ITPR2: variants seen among roughly 807,000 people sequenced by gnomAD.
The protein encoded by ITPR2 is inositol 1,4,5-trisphosphate receptor type 2.
ITPR2 carries 207 observed loss-of-function variants against 317.1 expected under a neutral mutation model. The observed-to-expected ratio is 0.65, with a 90% CI of 0.58 to 0.73. ITPR2 has a LOEUF of 0.73. ITPR2 is among the 30% of genes least tolerant of loss of function. The pLI, the probability that ITPR2 is intolerant of heterozygous loss-of-function variation, is 0.00. For missense variants in ITPR2, 2,613 were observed against 3,284.0 expected (o/e 0.80, Z 4.99); for synonymous variants, 1,156 against 1,149.1 (o/e 1.01, Z -0.12).
intron 1 of ITPR2, among the ~76,000 whole-genome samples, chr12:26,799,087 T>C (rs1565775011): frequency 6.6e-6 from 1 of 152,254 alleles, no homozygotes; most frequent in Non-Finnish European, 1.5e-5. Flanking sequence ...TAAAAGTATG[T>C]TTAATTCCAT....
chr12:26,485,356 C>G (rs949386415), intron 41 of ITPR2, among the ~76,000 whole-genome samples: 1 of 152,152 alleles, frequency 6.6e-6, no homozygotes, highest in African/African-American at 2.4e-5. Context: ...GTAAACTGTT[C>G]AATCAGATAC....
intron 55 of ITPR2, among the ~76,000 whole-genome samples, chr12:26,340,731 G>A (rs938197765): frequency 1.8e-4 from 28 of 152,254 alleles, no homozygotes; most frequent in Admixed American, 4.6e-4. Context: ...GGATGGTATA[G>A]GAAAGTGGTA....
chr12:26,630,382 A>T (rs1302433812), intron 22 of ITPR2, among the ~76,000 whole-genome samples: 2 of 151,430 alleles, frequency 1.3e-5, no homozygotes, highest in Non-Finnish European at 2.9e-5. Context: ...CCAGGAAGAG[A>T]GAGAGAGAAT....
At chr12:26,767,602 A>G (rs1048474334) in intron 2 of ITPR2, among the ~76,000 whole-genome samples, 1 of 152,242 alleles carries the variant, frequency 6.6e-6, no homozygotes, top group African/African-American at 2.4e-5. Context: ...AGAGAGACAG[A>G]CAAATTTGCC....
chr12:26,735,417 A>G (rs1212162484), intron 2 of ITPR2, among the ~76,000 whole-genome samples: 1 of 152,096 alleles, frequency 6.6e-6, no homozygotes, highest in Non-Finnish European at 1.5e-5. Flanking sequence ...AGGACAAGGG[A>G]AACAAAATGG....
At chr12:26,575,409 T>C (rs1386181408) in intron 34 of ITPR2, among the ~76,000 whole-genome samples, 1 of 151,798 alleles carries the variant, frequency 6.6e-6, no homozygotes, top group Non-Finnish European at 1.5e-5. Flanking sequence ...GAGGCCACGA[T>C]GCGGGGAAGG....
intron 55 of ITPR2, among the ~76,000 whole-genome samples, chr12:26,341,531 C>T (rs1938112699): frequency 6.6e-6 from 1 of 152,162 alleles, no homozygotes; most frequent in South Asian, 2.1e-4. Context: ...CAGAGAATAA[C>T]AAGTTCTTTA....
intron 1 of ITPR2, among the ~76,000 whole-genome samples, chr12:26,795,460 T>C (rs1364356528): frequency 6.6e-6 from 1 of 151,880 alleles, no homozygotes; most frequent in South Asian, 2.1e-4. Flanking sequence ...AAGGACAATA[T>C]AGACAATATA....
chr12:26,625,026 T>A (rs1946589034), intron 23 of ITPR2, among the ~76,000 whole-genome samples: 1 of 152,116 alleles, frequency 6.6e-6, no homozygotes, highest in Non-Finnish European at 1.5e-5. Context: ...AATGAGATCC[T>A]GTCATCTGCA....
rs373045037 is a variant in ITPR2, at chr12:26,665,985, T to A, written c.1476A>T (p.Glu492Asp). The A allele has an allele frequency of 9.5e-5, 154 of 1,613,554 alleles. No homozygotes were observed. The African/African-American group carries it at 1.9e-3, about 20-fold the overall frequency. Reference sequence around the variant, plus strand: ...GCTTAGTGATAACCACATCCAGAACTTCTTGTCCATTATTAGGCACATCAG... The same window carrying A: ...GCTTAGTGATAACCACATCCAGAACATCTTGTCCATTATTAGGCACATCAG... ...FVADVPNNGQ[E>D]VLDVVITKPN... The change falls in exon 14 of 57, where the codon GAA becomes GAT. Residue 492 changes from glutamate to aspartate, a missense_variant. Coordinates refer to ENST00000381340, the MANE Select transcript of ITPR2 (RefSeq NM_002223.4).
chr12:26,362,940 C>T (rs1255699652), intron 55 of ITPR2, among the ~76,000 whole-genome samples: 1 of 152,114 alleles, frequency 6.6e-6, no homozygotes, highest in Non-Finnish European at 1.5e-5. Flanking sequence ...CCCAATGCTC[C>T]CCAAGACACA....
At chr12:26,555,341 G>A (rs144312607) in intron 36 of ITPR2, among the ~76,000 whole-genome samples, 50 of 152,288 alleles carry the variant, frequency 3.3e-4, no homozygotes, top group African/African-American at 1.2e-3. Context: ...TAGCTGGGAT[G>A]AGTCATGGTC....
intron 32 of ITPR2, among the ~76,000 whole-genome samples, chr12:26,590,603 G>A (rs181207738): frequency 6.6e-6 from 1 of 152,250 alleles, no homozygotes; most frequent in East Asian, 1.9e-4. Context: ...TATCTCTCAT[G>A]ATATACAAAA....
At chr12:26,556,199 G>A (rs750033991) in intron 36 of ITPR2, 34 bp downstream of exon 36, 93 of 1,604,454 alleles carry the variant, frequency 5.8e-5, no homozygotes, top group South Asian at 3.5e-4. Context: ...TCAGTTTGAC[G>A]ACACTAGCAG....
At chr12:26,488,841 A>G (rs184827848) in intron 39 of ITPR2, among the ~76,000 whole-genome samples, 2 of 152,334 alleles carry the variant, frequency 1.3e-5, no homozygotes, top group Non-Finnish European at 2.9e-5. Flanking sequence ...TCTTCTATAT[A>G]TATTACTTCA....
chr12:26,499,065 T>A (rs780122356), intron 37 of ITPR2, among the ~76,000 whole-genome samples: 2 of 152,178 alleles, frequency 1.3e-5, no homozygotes, highest in Non-Finnish European at 2.9e-5. Flanking sequence ...AACAAATAAA[T>A]TTTTTTAAAG....
At chr12:26,741,195 G>A (rs1400787043) in intron 2 of ITPR2, among the ~76,000 whole-genome samples, 2 of 152,268 alleles carry the variant, frequency 1.3e-5, no homozygotes, top group African/African-American at 2.4e-5. Flanking sequence ...ATCCCACTCT[G>A]ATGCCAGCTG....
At chr12:26,533,373 T>A (rs1943996152) in intron 37 of ITPR2, among the ~76,000 whole-genome samples, 1 of 152,214 alleles carries the variant, frequency 6.6e-6, no homozygotes, top group Admixed American at 6.5e-5. Context: ...TGTTTAGAAA[T>A]CACTTCTTAA....
chr12:26,500,440 A>G (rs923417803), intron 37 of ITPR2, among the ~76,000 whole-genome samples: 1 of 152,210 alleles, frequency 6.6e-6, no homozygotes, highest in African/African-American at 2.4e-5. Context: ...TGCACCTCCC[A>G]TGGAAGGTCT....
Sources: allele counts gnomAD v4.1 joint callset (sites outside exome capture counted in the v4.1 genomes callset), GRCh38; gene constraint gnomAD v4.1.1; transcripts MANE v1.5; gene names NCBI Gene and HGNC (gene_info 2026-07-23, HGNC 2026-07-21).